LAMC2: variants seen among roughly 807,000 people sequenced by gnomAD.
The protein encoded by LAMC2 is laminin subunit gamma 2.
In LAMC2, 97 loss-of-function variants were observed where a neutral mutation model predicts 140.2. The observed-to-expected ratio is 0.69, with a 90% CI of 0.59 to 0.82. The LOEUF (loss-of-function observed/expected upper bound fraction) is 0.82, where lower values mean the gene tolerates loss of function less well. Among genes scored for constraint, LAMC2 ranks in the 40% least tolerant of loss-of-function variants. The pLI is 0.00. For missense variants in LAMC2, 1,402 were observed against 1,476.1 expected (o/e 0.95, Z 0.82); for synonymous variants, 513 against 540.2 (o/e 0.95, Z 0.70).
At chr1:183,246,318 C>T (rs542100664), downstream of LAMC2, among the ~76,000 whole-genome samples, 1 of 152,302 alleles carries the variant, frequency 6.6e-6, no homozygotes, top group South Asian at 2.1e-4. Context: ...GAAAAGTTAT[C>T]CCTTAGAAGA....
downstream of LAMC2, among the ~76,000 whole-genome samples, chr1:183,245,251 T>C (rs1660217553): frequency 6.6e-6 from 1 of 152,240 alleles, no homozygotes; most frequent in African/African-American, 2.4e-5. Flanking sequence ...GAAGTTAAAA[T>C]GTACTAAATT....
the LAMC2 span, among the ~76,000 whole-genome samples, chr1:183,256,496 T>A: frequency 1.3e-5 from 2 of 152,214 alleles, no homozygotes; most frequent in East Asian, 3.8e-4. Flanking sequence ...CTGTTAAGAA[T>A]CTTTATCAAG....
Position 183,232,238 on chromosome 1 carries a change from G to T in LAMC2, c.1909G>T (p.Ala637Ser). Residue 637 changes from alanine (A) to serine (S), a missense_variant, in exon 13 of 23, where the codon GCT (alanine) becomes TCT (serine). By Grantham distance (99) the Ala-to-Ser change is moderately conservative. Around this residue, in one of 3 missense-constraint regions of LAMC2, gnomAD observed 670 missense variants for 667.2 expected, o/e 1.00. Coordinates refer to ENST00000264144, the MANE Select transcript of LAMC2 (RefSeq NM_005562.3). Reference sequence around the variant, plus strand: ...GAGAATGGAGGCCCTGATTTCAAAGGCTCAGGGTGGTGATGGAGTAGTACC... The same window carrying T: ...GAGAATGGAGGCCCTGATTTCAAAGTCTCAGGGTGGTGATGGAGTAGTACC... ...LQRMEALISKAQGGDGVVPDT... is the reference protein window; with the variant it reads ...LQRMEALISKSQGGDGVVPDT... 1.2e-6 allele frequency: 2 copies of T among 1,613,988 alleles called. No individual in the cohort carries two copies. Among genetic ancestry groups the T allele is most frequent in the African/African-American group, 1.3e-5 (1 of 75,028 alleles).
In LAMC2 at chr1:183,207,852, A is replaced by G. The variant is rs1558084324; in HGVS notation, c.80-29A>G. 2.7e-5 allele frequency: 27 copies of G among 988,328 alleles called. No homozygotes were observed. The Middle Eastern group carries it at 8.6e-4, about 32-fold the overall frequency. The allele number at this position is 988,328 out of a possible 1,614,324, so 61.2% of individuals were successfully genotyped here. A position where few individuals can be genotyped will look rare whatever the true frequency, so the allele number is the denominator to read the frequency against. Reference sequence around the variant, plus strand: ...CCTGAGGTGTTTTTTTTTTTTTTTGACGATCTCTTTTGTATGCTTCCTCCC... The same window carrying G: ...CCTGAGGTGTTTTTTTTTTTTTTTGGCGATCTCTTTTGTATGCTTCCTCCC... On this transcript the variant is annotated intron_variant, in intron 1 of 22. Coordinates refer to ENST00000264144, the MANE Select transcript of LAMC2 (RefSeq NM_005562.3).
At chr1:183,235,857 G>A (rs1317984898) in intron 16 of LAMC2, 127 bp downstream of exon 16, 23 of 881,292 alleles carry the variant, frequency 2.6e-5, no homozygotes, top group Non-Finnish European at 4.1e-5. Context: ...TAAGAGGGCC[G>A]AAATCATGGG....
intron 1 of LAMC2, among the ~76,000 whole-genome samples, chr1:183,194,251 A>G (rs914339488): frequency 1.3e-5 from 1 of 74,500 alleles, no homozygotes; most frequent in Non-Finnish European, 2.3e-5. Flanking sequence ...CTTTTTTCTG[A>G]AAAAAAAAAA....
rs78793848 is a variant in LAMC2 at position 183,239,494 on chromosome 1, T to C, written c.3000T>C (p.Ala1000=). 1 of 1,613,698 alleles carries C rather than the reference T, an allele frequency of 6.2e-7. No individual in the cohort carries two copies. The highest frequency in any genetic ancestry group is 1.3e-5 in the African/African-American group (1 of 74,890). ...TQQAERALGS[A]AADAQRAKNG... ...AAGCAGAAAGAGCCCTGGGGAGCGCTGCTGCTGATGCACAGAGGGCAAAGA... is the reference window on the plus strand; with the variant it reads ...AAGCAGAAAGAGCCCTGGGGAGCGCCGCTGCTGATGCACAGAGGGCAAAGA... Residue 1000 remains alanine, a synonymous_variant, in exon 20 of 23, where the codon GCT becomes GCC. Coordinates refer to ENST00000264144, the MANE Select transcript of LAMC2 (RefSeq NM_005562.3).
rs557130045 is a variant in LAMC2, at chr1:183,204,654, AAAG to A, written c.80-3223_80-3221del. Among the ~76,000 whole-genome samples the A allele has an allele frequency of 9.1e-4, 139 of 152,118 alleles. 1 individual carries two copies. Among genetic ancestry groups the A allele is most frequent in the African/African-American group, 3.1e-3 (127 of 41,508 alleles). On this transcript the variant is annotated intron_variant, in intron 1 of 22. Transcript: ENST00000264144. Reference sequence around the variant, plus strand: ...CTCAATAAAAATAAAAATTAAAATAAAAGAAGGACACCTATTATTTTCAAAGTA... The same window carrying A: ...CTCAATAAAAATAAAAATTAAAATAAAAGGACACCTATTATTTTCAAAGTA...
chr1:183,239,555 A>C lies in LAMC2; in HGVS notation c.3061A>C (p.Ile1021Leu). 1.2e-6 allele frequency: 2 copies of C among 1,613,548 alleles called. No individual in the cohort carries two copies. Among genetic ancestry groups the C allele is most frequent in the Non-Finnish European group, 1.7e-6 (2 of 1,179,800 alleles). Residue 1021 changes from isoleucine to leucine, a missense_variant, in exon 20 of 23, where the codon ATT becomes CTT. This residue lies in a region of LAMC2 where 670 missense variants were observed against 667.2 expected (regional missense o/e 1.00). Transcript: ENST00000264144. ...AGEALEISSE[I>L]EQEIGSLNLE... ...GGAGGCCCTGGAAATCTCCAGTGAG[A>C]TTGAACAGGTAAAGAGAAATCGACA... is the stretch of plus-strand genomic sequence containing the variant.
At chr1:183,238,728 G>A (rs995788130) in intron 19 of LAMC2, among the ~76,000 whole-genome samples, 10 of 152,166 alleles carry the variant, frequency 6.6e-5, no homozygotes, top group African/African-American at 4.8e-5. Context: ...TTAAAGAGAC[G>A]AGGTTAAACT....
At chr1:183,189,128 G>A (rs1211534883) in intron 1 of LAMC2, among the ~76,000 whole-genome samples, 1 of 152,174 alleles carries the variant, frequency 6.6e-6, no homozygotes, top group Non-Finnish European at 1.5e-5. Context: ...ACAGATTACA[G>A]GGACATTTAG....
the LAMC2 span, among the ~76,000 whole-genome samples, chr1:183,255,482 T>G: frequency 2.0e-5 from 3 of 152,202 alleles, no homozygotes; most frequent in Admixed American, 6.5e-5. Flanking sequence ...TGATAGGTAT[T>G]TCATTAAATC....
At position 183,228,665 on chromosome 1, in the gene LAMC2, CG is replaced by C. The variant is rs1659709902; in HGVS notation, c.1714+47del. ...GGCTGTGTCTGTGCGTGCCTGTGTA[CG>C]TATGCACTTGCTTGCCATCTAAGCA... is the stretch of plus-strand genomic sequence containing the variant. On this transcript the variant is annotated intron_variant, in intron 11 of 22. Coordinates refer to ENST00000264144, the MANE Select transcript of LAMC2 (RefSeq NM_005562.3). This position sits in a 1 kb window ranked among gnomAD's most constrained non-coding sequence, Gnocchi z 4.3. The C allele has an allele frequency of 6.2e-7, 1 of 1,610,236 alleles. No individual in the cohort carries two copies. Among genetic ancestry groups the C allele is most frequent in the Non-Finnish European group, 8.5e-7 (1 of 1,178,750 alleles).
the LAMC2 span, chr1:183,252,625 G>A: frequency 5.1e-6 from 8 of 1,579,546 alleles, no homozygotes; most frequent in East Asian, 6.7e-5. Flanking sequence ...TTGTGTTGCC[G>A]GAGGACGAGG....
the LAMC2 span, among the ~76,000 whole-genome samples, chr1:183,257,788 T>G: frequency 4.3e-5 from 6 of 141,076 alleles, no homozygotes; most frequent in Admixed American, 6.8e-5. Context: ...TCAATTTTGT[T>G]TTTTTTTTTC....
chr1:183,237,682 C>G (rs1358759399), intron 18 of LAMC2, among the ~76,000 whole-genome samples, 178 bp downstream of exon 18: 1 of 152,034 alleles, frequency 6.6e-6, no homozygotes, highest in Non-Finnish European at 1.5e-5. Flanking sequence ...AGTTTGAGAC[C>G]AGCGTAGGCA....
chr1:183,214,142 T>G (rs1359974153), intron 2 of LAMC2, among the ~76,000 whole-genome samples: 1 of 152,174 alleles, frequency 6.6e-6, no homozygotes, highest in East Asian at 1.9e-4. Context: ...ATCTTTTGGC[T>G]TTCTCTCAGC....
chr1:183,257,402 T>C, the LAMC2 span, among the ~76,000 whole-genome samples: 23 of 152,056 alleles, frequency 1.5e-4, no homozygotes, highest in African/African-American at 5.6e-4. Context: ...GATCACGCTA[T>C]TGCACTCCAG....
In LAMC2 at chr1:183,240,357, ACT is replaced by A. The variant is rs2102253629; in HGVS notation, c.3296_3297del (p.Leu1099GlnfsTer18). On this transcript the variant is annotated frameshift_variant, in exon 22 of 23. Coordinates refer to ENST00000264144, the MANE Select transcript of LAMC2 (RefSeq NM_005562.3). LOFTEE classifies it high-confidence loss of function. ...ACGCTGGGGTTACAATCCAAGACAC[ACT>A]CAACACATTAGACGGCCTCCTGCAT... ...KNAGVTIQDT[L>X]NTLDGLLHLM... is the part of the protein sequence containing the mutation. 6.2e-7 allele frequency: 1 copy of A among 1,614,212 alleles called. No homozygotes were observed. The highest frequency in any genetic ancestry group is 8.5e-7 in the Non-Finnish European group (1 of 1,180,034).
Sources: allele counts gnomAD v4.1 joint callset (sites outside exome capture counted in the v4.1 genomes callset), GRCh38; gene constraint gnomAD v4.1.1; regional missense constraint gnomAD v4.1.1; non-coding constraint Gnocchi (gnomAD v3.1); transcripts MANE v1.5; gene names NCBI Gene and HGNC (gene_info 2026-07-23, HGNC 2026-07-21).